FAM13A: variants seen among roughly 807,000 people sequenced by gnomAD.
The protein encoded by FAM13A is protein FAM13A.
FAM13A carries 76 observed loss-of-function variants against 129.6 expected under a neutral mutation model. That is an observed-to-expected ratio of 0.59 (90% CI 0.49 to 0.71). FAM13A has a LOEUF of 0.71. Among genes scored for constraint, FAM13A ranks in the 30% least tolerant of loss-of-function variants. The pLI is 0.00. For missense variants in FAM13A, 1,108 were observed against 1,249.3 expected, an observed-to-expected ratio of 0.89 and a Z score of 1.70; for synonymous variants, 443 against 449.9, an observed-to-expected ratio of 0.98 and a Z score of 0.20.
chr4:88,758,948 C>T (rs1463475918), intron 13 of FAM13A, 47 bp from the exon 14 acceptor site: 3 of 1,582,708 alleles, frequency 1.9e-6, no homozygotes, highest in Admixed American at 1.7e-5. Context: ...CTCACCAAAA[C>T]CCCAAGACGT....
intron 1 of FAM13A, among the ~76,000 whole-genome samples, chr4:89,054,118 C>A (rs1771934809): frequency 6.6e-6 from 1 of 152,088 alleles, no homozygotes; most frequent in Admixed American, 6.6e-5. Context: ...GAGCCTACAA[C>A]AGTATCATGA....
chr4:88,767,703 A>G, intron 12 of FAM13A, 108 bp from the exon 13 acceptor site: 1 of 872,172 alleles, frequency 1.1e-6, no homozygotes. Context: ...GAGTAGCTCT[A>G]AGCCAAATAC....
At chr4:88,828,216 C>A (rs1733339926) in intron 7 of FAM13A, among the ~76,000 whole-genome samples, 1 of 152,196 alleles carries the variant, frequency 6.6e-6, no homozygotes, top group African/African-American at 2.4e-5. Flanking sequence ...TCACAACTCA[C>A]TGCAGCCTTT....
chr4:88,788,944 T>C (rs1328361783), intron 9 of FAM13A, among the ~76,000 whole-genome samples: 4 of 152,166 alleles, frequency 2.6e-5, no homozygotes, highest in African/African-American at 9.7e-5. Context: ...TGAGGAAGTA[T>C]AGTCAAATTA....
At chr4:88,849,474 C>T (rs1737192803) in intron 7 of FAM13A, among the ~76,000 whole-genome samples, 1 of 152,180 alleles carries the variant, frequency 6.6e-6, no homozygotes, top group Non-Finnish European at 1.5e-5. Context: ...ATTATCTCTG[C>T]CTGGAATGCT....
intron 14 of FAM13A, 90 bp from the exon 15 acceptor site, chr4:88,750,727 T>A (rs1742406985): frequency 4.2e-6 from 4 of 951,178 alleles, no homozygotes; most frequent in African/African-American, 1.6e-5. Flanking sequence ...GCTTCCCAGA[T>A]GCTTTAGGAA....
rs551408632 is a variant in FAM13A, at chr4:89,025,489, C to T, written c.217+3971G>A. ...CCTTGTTAGCCAGGATGGTCTCGAT[C>T]TCCTGACCTCATGATCCACCCGCCT... On this transcript the variant is annotated intron_variant, in intron 2 of 23. Coordinates refer to ENST00000264344, the MANE Select transcript of FAM13A (RefSeq NM_014883.4). Among the ~76,000 whole-genome samples, 4 of 151,582 alleles carry T rather than the reference C, an allele frequency of 2.6e-5. No homozygotes were observed. The South Asian group carries it at 8.4e-4, about 32-fold the overall frequency.
intron 3 of FAM13A, among the ~76,000 whole-genome samples, chr4:89,001,265 A>C (rs1035822832): frequency 6.6e-6 from 1 of 152,182 alleles, no homozygotes; most frequent in African/African-American, 2.4e-5. Flanking sequence ...CATCTGTGGA[A>C]ACCTGGGTTT....
At chr4:89,030,470 G>T (rs1040632087) in intron 1 of FAM13A, among the ~76,000 whole-genome samples, 29 of 152,238 alleles carry the variant, frequency 1.9e-4, no homozygotes, top group African/African-American at 7.0e-4. Flanking sequence ...TGAAAAGAGA[G>T]ATGGCAAAAT....
At chr4:89,022,097 C>T (rs765856790) in intron 2 of FAM13A, among the ~76,000 whole-genome samples, 36 of 152,246 alleles carry the variant, frequency 2.4e-4, no homozygotes, top group Non-Finnish European at 4.1e-4. Flanking sequence ...TTAGCAATGA[C>T]ATAATGACAT....
chr4:88,899,479 T>A (rs1281943117), intron 6 of FAM13A, among the ~76,000 whole-genome samples: 1 of 151,700 alleles, frequency 6.6e-6, no homozygotes, highest in Admixed American at 6.6e-5. Flanking sequence ...TAAAAACTTA[T>A]GGAAAGAAAA....
chr4:89,029,757 T>C (rs921524425), intron 1 of FAM13A, 108 bp from the exon 2 acceptor site: 131 of 929,606 alleles, frequency 1.4e-4, no homozygotes, highest in South Asian at 1.4e-3. Flanking sequence ...TGAATAGTTG[T>C]GGTCTTATTT....
chr4:88,934,248 C>G (rs530617076), intron 5 of FAM13A, among the ~76,000 whole-genome samples: 2 of 152,306 alleles, frequency 1.3e-5, no homozygotes, highest in South Asian at 4.1e-4. Context: ...ATATCACCAT[C>G]TGACATACTA....
rs142667742 is a variant in FAM13A at position 88,870,486 on chromosome 4, G to A, written c.844-19303C>T. Among the ~76,000 whole-genome samples the A allele has an allele frequency of 5.8e-4, 88 of 152,326 alleles. 1 individual carries two copies. In the East Asian group the frequency reaches 0.014, roughly 24 times the overall value. On this transcript the variant is annotated intron_variant, in intron 6 of 23. Coordinates refer to ENST00000264344, the MANE Select transcript of FAM13A (RefSeq NM_014883.4). ...ATGGCACACCAGGAGATTATACCCC[G>A]CGCCTGGCTTGGGGGGGGTCCCGCG...
chr4:88,822,952 T>C, intron 7 of FAM13A: 3 of 1,610,304 alleles, frequency 1.9e-6, no homozygotes, highest in Non-Finnish European at 2.5e-6. Context: ...CATAGCAGAA[T>C]AAAATAAAAT....
At chr4:89,033,131 C>A (rs7669872) in intron 1 of FAM13A, among the ~76,000 whole-genome samples, 72,690 of 149,886 alleles carry the variant, frequency 0.48, 17,819 homozygotes, top group Middle Eastern at 0.57. Flanking sequence ...AACACACACA[C>A]ACACACTCTC....
At chr4:88,764,636 A>T (rs1022342572) in intron 13 of FAM13A, among the ~76,000 whole-genome samples, 1 of 152,194 alleles carries the variant, frequency 6.6e-6, no homozygotes, top group Admixed American at 6.5e-5. Flanking sequence ...AAAAGAGTTA[A>T]TAATACACAG....
At chr4:88,757,837 G>A (rs1031223571) in intron 14 of FAM13A, among the ~76,000 whole-genome samples, 2 of 152,246 alleles carry the variant, frequency 1.3e-5, no homozygotes, top group South Asian at 2.1e-4. Flanking sequence ...AGAGGAAAGC[G>A]GGTAGGGAGA....
In FAM13A at chr4:89,014,054, T is replaced by C. The variant is rs751114033; in HGVS notation, c.427+6406A>G. 2.0e-5 allele frequency among the ~76,000 whole-genome samples: 3 copies of C among 152,248 alleles called. 1 individual carries two copies. The South Asian group carries it at 6.2e-4, about 32-fold the overall frequency. ...GACTCCCTCCTTGTGCCTGAGCTGC[T>C]GGGGTAGGTTCCAGCCACTCACGAC... is the stretch of plus-strand genomic sequence containing the variant. On this transcript the variant is annotated intron_variant, in intron 3 of 23. Transcript: ENST00000264344.
Sources: allele counts gnomAD v4.1 joint callset (sites outside exome capture counted in the v4.1 genomes callset), GRCh38; gene constraint gnomAD v4.1.1; transcripts MANE v1.5; gene names NCBI Gene and HGNC (gene_info 2026-07-23, HGNC 2026-07-21).